The following DTNA variants were observed in gnomAD, a reference collection of about 807,000 sequenced individuals.
The protein encoded by DTNA is dystrophin-related protein 3.
A neutral mutation model predicts 100.7 loss-of-function variants in DTNA; 43 were observed. The ratio of observed to expected loss-of-function variants is 0.43; its 90% CI spans 0.33 to 0.55. The LOEUF is 0.55. Ranked by LOEUF, DTNA falls within the 20% of genes least tolerant of loss-of-function variation. The pLI is 0.04. For missense variants in DTNA, 798 were observed against 953.9 expected (o/e 0.84, Z 2.15); for synonymous variants, 349 against 347.9 (o/e 1.00, Z -0.04).
At chr18:34,518,846 G>T (rs2041913266) in intron 1 of DTNA, among the ~76,000 whole-genome samples, 1 of 151,460 alleles carries the variant, frequency 6.6e-6, no homozygotes, top group South Asian at 2.1e-4. Flanking sequence ...GGTACATATA[G>T]CAATATTTTC....
rs183150746 is a variant in DTNA at position 34,605,181 on chromosome 18, C to T, written c.-2+111667C>T. Among the ~76,000 whole-genome samples, 158 of 151,074 alleles carry T rather than the reference C, an allele frequency of 1.0e-3. 1 individual carries two copies. The Middle Eastern group carries it at 0.017, about 16-fold the overall frequency. On this transcript the variant is annotated intron_variant, in intron 1 of 19. Transcript: ENST00000283365. ...CATACAATTTTTTCTTGGAATTTTC[C>T]CACTGTTACTGCAAACTTTTTAAAA...
intron 1 of DTNA, among the ~76,000 whole-genome samples, chr18:34,612,890 A>G (rs1307994659): frequency 6.6e-6 from 1 of 152,168 alleles, no homozygotes; most frequent in Non-Finnish European, 1.5e-5. Flanking sequence ...TAATGAGTCC[A>G]CCTTCATGCT....
At chr18:34,721,506 G>GA (rs200221477) in intron 1 of DTNA, among the ~76,000 whole-genome samples, 56 of 151,542 alleles carry the variant, frequency 3.7e-4, no homozygotes, top group African/African-American at 1.1e-3. Flanking sequence ...GGAAACTAAT[G>GA]AAAAAAAACA....
chr18:34,858,236 C>T (rs2096575900), intron 15 of DTNA, 49 bp from the exon 16 acceptor site: 1 of 1,561,174 alleles, frequency 6.4e-7, no homozygotes, highest in Middle Eastern at 1.7e-4. Context: ...ATGTTAGTTT[C>T]CTGAAAGCTA....
chr18:34,590,895 C>T (rs776683106), intron 1 of DTNA, among the ~76,000 whole-genome samples: 4 of 152,184 alleles, frequency 2.6e-5, no homozygotes, highest in Admixed American at 6.5e-5. Flanking sequence ...TACTCACTCA[C>T]ACTTGCATCT....
intron 13 of DTNA, among the ~76,000 whole-genome samples, chr18:34,845,777 G>A (rs2096366895): frequency 6.6e-6 from 1 of 152,150 alleles, no homozygotes; most frequent in Non-Finnish European, 1.5e-5. Context: ...TATAAAGACA[G>A]ACATCTGCTT....
At chr18:34,545,102 C>A (rs2044635222) in intron 1 of DTNA, among the ~76,000 whole-genome samples, 1 of 151,936 alleles carries the variant, frequency 6.6e-6, no homozygotes. Flanking sequence ...AAGTCCTTGG[C>A]AAGCTACCAA....
intron 1 of DTNA, among the ~76,000 whole-genome samples, chr18:34,628,435 GA>G (rs1176719084): frequency 6.6e-6 from 1 of 152,198 alleles, no homozygotes; most frequent in African/African-American, 2.4e-5. Flanking sequence ...ATTTTATAAA[GA>G]AAGCTAGCCA....
chr18:34,515,348 T>C (rs1417268538), intron 1 of DTNA, among the ~76,000 whole-genome samples: 1 of 152,084 alleles, frequency 6.6e-6, no homozygotes, highest in Non-Finnish European at 1.5e-5. Flanking sequence ...TCCTTGTGCA[T>C]CTCCAGTTTT....
In DTNA at chr18:34,590,603, T is replaced by C. The variant is rs557880876; in HGVS notation, c.-2+97089T>C. ...AGGAGCCATGCTCCAGCATTTGCCA[T>C]CCACAGAACGGTGCTAATAGAGTCT... On this transcript the variant is annotated intron_variant, in intron 1 of 19. Transcript: ENST00000283365. Among the ~76,000 whole-genome samples, 4 of 152,314 alleles carry C rather than the reference T, an allele frequency of 2.6e-5. No homozygotes were observed. The South Asian group carries it at 6.2e-4, about 24-fold the overall frequency.
rs367764683 is a variant in DTNA, at chr18:34,496,205, AACACAC to A, written c.-2+2726_-2+2731del. The stretch of plus-strand genomic sequence containing the variant: ...CAGTGGTTAACCATCCCCTCCCTGC[AACACAC>A]ACACACACACACACACACACACACA... On this transcript the variant is annotated intron_variant, in intron 1 of 19. Coordinates refer to the DTNA transcript ENST00000283365. Among the ~76,000 whole-genome samples the A allele has an allele frequency of 1.8e-3, 247 of 138,574 alleles. 1 individual carries two copies. Among genetic ancestry groups the A allele is most frequent in the East Asian group, 0.012 (53 of 4,490 alleles). The allele number at this position is 138,574 out of a possible 152,430, so 90.9% of individuals were successfully genotyped here.
Position 34,755,985 on chromosome 18 carries a change from A to T in DTNA, c.9A>T (p.Glu3Asp). Residue 3 changes from glutamate (E) to aspartate (D), a missense_variant, in exon 2 of 23, where the codon GAA becomes GAT. Transcript: ENST00000444659. ...CTATTTTGTCTCATAGAATGATTGA[A>T]GATAGTGGGAAAAGAGGAAATACCA... MI[E>D]DSGKRGNTMA... 1 of 1,613,264 alleles carries T rather than the reference A, an allele frequency of 6.2e-7. No individual in the cohort carries two copies. Among genetic ancestry groups the T allele is most frequent in the Non-Finnish European group, 8.5e-7 (1 of 1,179,484 alleles).
At chr18:34,706,464 C>T (rs2082132682), upstream of DTNA, among the ~76,000 whole-genome samples, 1 of 151,866 alleles carries the variant, frequency 6.6e-6, no homozygotes, top group African/African-American at 2.4e-5. Context: ...ACTAAGAATA[C>T]ATTCAGAATA....
intron 4 of DTNA, among the ~76,000 whole-genome samples, chr18:34,796,299 G>A (rs916419617): frequency 6.6e-6 from 1 of 152,220 alleles, no homozygotes; most frequent in Admixed American, 6.5e-5. Context: ...AGGAAGTACA[G>A]CTAACTGGAT....
At chr18:34,549,361 G>A (rs780163286) in intron 1 of DTNA, among the ~76,000 whole-genome samples, 2 of 151,886 alleles carry the variant, frequency 1.3e-5, no homozygotes, top group Non-Finnish European at 2.9e-5. Flanking sequence ...AGCGTTTAGA[G>A]TATTGAAAGG....
chr18:34,496,700 C>A (rs995743534), intron 1 of DTNA, among the ~76,000 whole-genome samples: 1 of 152,134 alleles, frequency 6.6e-6, no homozygotes. Flanking sequence ...TAAATGATTA[C>A]TTGTAAGTTG....
intron 1 of DTNA, among the ~76,000 whole-genome samples, chr18:34,554,957 T>C (rs1231397484): frequency 9.9e-5 from 14 of 140,768 alleles, no homozygotes; most frequent in African/African-American, 3.8e-4. Context: ...ATGGTACCAG[T>C]TCCTCCTTGT....
chr18:34,718,948 T>C (rs2084655325), intron 1 of DTNA, among the ~76,000 whole-genome samples: 1 of 152,188 alleles, frequency 6.6e-6, no homozygotes, highest in South Asian at 2.1e-4. Context: ...CCAGATACTG[T>C]TCTAAGTACT....
chr18:34,726,251 T>TA lies in DTNA; in HGVS notation c.-2+15815dup, dbSNP rs1025225780. On this transcript the variant is annotated intron_variant, in intron 1 of 22. Coordinates refer to ENST00000444659, the MANE Select transcript of DTNA (RefSeq NM_001386795.1). Reference sequence around the variant, plus strand: ...CCCCAGAACTTAAAGTATAATAATTTAAAAAAAAATAAAAAGAAAGATTTG... The same window carrying TA: ...CCCCAGAACTTAAAGTATAATAATTTAAAAAAAAAATAAAAAGAAAGATTTG... Among the ~76,000 whole-genome samples the TA allele has an allele frequency of 6.0e-5, 9 of 151,186 alleles. No homozygotes were observed. The South Asian group carries it at 6.3e-4, about 11-fold the overall frequency.
Sources: gnomAD v4.1 joint callset for allele counts (sites outside exome capture counted in the v4.1 genomes callset) on GRCh38, gnomAD v4.1.1 for gene constraint, MANE v1.5 for transcripts, NCBI Gene and HGNC (gene_info 2026-07-23, HGNC 2026-07-21) for gene names.